Variants in NCKAP5 observed in about 807,000 individuals in gnomAD.
NCKAP5 encodes NCK associated protein 5.
A neutral mutation model predicts 167.0 loss-of-function variants in NCKAP5; 92 were observed. The observed-to-expected ratio is 0.55, with a 90% CI of 0.47 to 0.66. The LOEUF (loss-of-function observed/expected upper bound fraction) is 0.66. NCKAP5 is among the 30% of genes least tolerant of loss of function. The pLI, the probability that NCKAP5 is intolerant of heterozygous loss-of-function variation, is 0.00. For missense variants in NCKAP5, 2,378 were observed against 2,315.0 expected (o/e 1.03, Z -0.56); for synonymous variants, 891 against 877.4 (o/e 1.02, Z -0.27).
At chr2:132,978,243 T>TA (rs2077033984) in intron 7 of NCKAP5, among the ~76,000 whole-genome samples, 1 of 152,204 alleles carries the variant, frequency 6.6e-6, no homozygotes, top group Admixed American at 6.5e-5. Context: ...GTGGTTCCCA[T>TA]GACAAATGGC....
At chr2:133,150,492 A>C (rs1444289080) in intron 5 of NCKAP5, among the ~76,000 whole-genome samples, 1 of 152,118 alleles carries the variant, frequency 6.6e-6, no homozygotes, top group Non-Finnish European at 1.5e-5. Context: ...CACATCTTAC[A>C]GTTTGTCCAC....
chr2:133,316,308 G>A (rs1486160676), intron 3 of NCKAP5, among the ~76,000 whole-genome samples: 2 of 152,170 alleles, frequency 1.3e-5, no homozygotes, highest in African/African-American at 4.8e-5. Flanking sequence ...TTGGGGACAA[G>A]GTGATAAACA....
chr2:133,501,665 T>A (rs1457897695), intron 3 of NCKAP5, among the ~76,000 whole-genome samples: 2 of 152,230 alleles, frequency 1.3e-5, no homozygotes, highest in Non-Finnish European at 2.9e-5. Context: ...TAGTTAGGTG[T>A]GTATACAAAG....
chr2:133,470,441 G>T (rs61940971), intron 3 of NCKAP5, among the ~76,000 whole-genome samples: 35,986 of 152,134 alleles, frequency 0.24, 4,510 homozygotes, highest in African/African-American at 0.3. Context: ...ATTTAAGTCT[G>T]CAGAGGTTGC....
chr2:132,982,837 A>T (rs2077181113), intron 7 of NCKAP5, among the ~76,000 whole-genome samples: 1 of 152,198 alleles, frequency 6.6e-6, no homozygotes, highest in Non-Finnish European at 1.5e-5. Flanking sequence ...TGCTGCAAGG[A>T]ACATGATTTC....
the NCKAP5 span, among the ~76,000 whole-genome samples, chr2:133,634,927 G>A: frequency 6.6e-6 from 1 of 151,188 alleles, no homozygotes; most frequent in Non-Finnish European, 1.5e-5. Context: ...GAATACAGTG[G>A]TGGGATCTTG....
chr2:132,765,310 T>TA (rs1456086393), intron 16 of NCKAP5, among the ~76,000 whole-genome samples: 1 of 104,738 alleles, frequency 9.5e-6, no homozygotes, highest in African/African-American at 4.4e-5. Context: ...CTTTCTTTCT[T>TA]TTTTTTTTTT....
At chr2:133,522,326 T>C (rs919552533) in intron 2 of NCKAP5, among the ~76,000 whole-genome samples, 2 of 152,146 alleles carry the variant, frequency 1.3e-5, no homozygotes, top group South Asian at 2.1e-4. Context: ...AAAAATTCCT[T>C]GCATTAAATC....
chr2:132,950,325 G>C (rs1293401514), intron 8 of NCKAP5, among the ~76,000 whole-genome samples: 2 of 151,974 alleles, frequency 1.3e-5, no homozygotes, highest in Admixed American at 1.3e-4. Flanking sequence ...GGCATCAAGA[G>C]GTTTCAATAT....
intron 4 of NCKAP5, among the ~76,000 whole-genome samples, chr2:133,251,359 G>A (rs1483905373): frequency 1.3e-5 from 2 of 151,920 alleles, no homozygotes; most frequent in African/African-American, 4.8e-5. Flanking sequence ...CAGTGGAGTG[G>A]AAAAGAAAAC....
intron 16 of NCKAP5, among the ~76,000 whole-genome samples, chr2:132,759,067 T>G (rs1223583684): frequency 6.6e-6 from 1 of 152,178 alleles, no homozygotes; most frequent in Non-Finnish European, 1.5e-5. Context: ...ATTGTTTAGT[T>G]TTGCTCACTA....
At chr2:133,040,122 G>T (rs1242099570) in intron 6 of NCKAP5, among the ~76,000 whole-genome samples, 2 of 151,796 alleles carry the variant, frequency 1.3e-5, no homozygotes, top group African/African-American at 4.8e-5. Flanking sequence ...CATCTAGCAT[G>T]CCTTATTAAC....
intron 19 of NCKAP5, among the ~76,000 whole-genome samples, chr2:132,717,776 T>A (rs559054746): frequency 6.6e-6 from 1 of 152,288 alleles, no homozygotes; most frequent in Non-Finnish European, 1.5e-5. Context: ...GTGAAGAAAA[T>A]GCACTTCTTG....
intron 5 of NCKAP5, among the ~76,000 whole-genome samples, chr2:133,192,412 A>G (rs2085265852): frequency 6.6e-6 from 1 of 152,108 alleles, no homozygotes; most frequent in East Asian, 1.9e-4. Context: ...CCTGGGCATC[A>G]TCGAAATGAA....
rs538240912 is a variant in NCKAP5 at position 132,731,958 on chromosome 2, T to C, written c.5222A>G (p.Gln1741Arg). The C allele has an allele frequency of 3.0e-5, 48 of 1,613,934 alleles. 1 individual carries two copies. In the South Asian group the frequency reaches 5.1e-4, roughly 17 times the overall value. ...GNRSTGRYLCQPDSPEDAEPL... is the reference protein window; with the variant it reads ...GNRSTGRYLCRPDSPEDAEPL... ...CTCAGCGTCCTCTGGGGAGTCTGGC[T>C]GGCATAGGTAGCGTCCTGTCGAGCG... is the stretch of plus-strand genomic sequence containing the variant. The change falls in exon 17 of 20, where the codon CAG (glutamine) becomes CGG (arginine). Residue 1741 changes from glutamine to arginine, a missense_variant. By Grantham distance (43) the Gln-to-Arg change is conservative (BLOSUM62 1). This residue lies in a region of NCKAP5 where 1,325 missense variants were observed against 1,274.5 expected (regional missense o/e 1.04). Transcript: ENST00000409261.
intron 8 of NCKAP5, among the ~76,000 whole-genome samples, chr2:132,925,896 AT>A (rs1265599347): frequency 1.3e-5 from 2 of 152,188 alleles, no homozygotes; most frequent in Admixed American, 6.5e-5. Flanking sequence ...TTTCTAAAAA[AT>A]TTTACGAATT....
intron 3 of NCKAP5, among the ~76,000 whole-genome samples, chr2:133,516,623 G>A (rs955792927): frequency 2.6e-5 from 4 of 152,152 alleles, no homozygotes; most frequent in Non-Finnish European, 5.9e-5. Flanking sequence ...AAGGTATAAC[G>A]GATAAATCAA....
At chr2:133,532,317 G>C (rs972404194) in intron 2 of NCKAP5, among the ~76,000 whole-genome samples, 2 of 152,034 alleles carry the variant, frequency 1.3e-5, no homozygotes, top group Admixed American at 1.3e-4. Flanking sequence ...TTCTTGTTCT[G>C]GCATCCTTGG....
intron 16 of NCKAP5, among the ~76,000 whole-genome samples, chr2:132,772,877 T>TGGCGCCGAATAGTGGGA (rs1682204156): frequency 1.3e-5 from 2 of 152,270 alleles, no homozygotes; most frequent in East Asian, 3.9e-4. Context: ...TGTGCCAACA[T>TGGCGCCGAATAGTGGGA]GGCGCCGAAT....
Sources: gnomAD v4.1 joint callset for allele counts (sites outside exome capture counted in the v4.1 genomes callset) on GRCh38, gnomAD v4.1.1 for gene constraint, gnomAD v4.1.1 regional missense constraint, MANE v1.5 for transcripts, NCBI Gene and HGNC (gene_info 2026-07-23, HGNC 2026-07-21) for gene names.